TRIM24: variants seen among roughly 807,000 people sequenced by gnomAD.
The protein encoded by TRIM24 is tripartite motif containing 24.
In TRIM24, 29 loss-of-function variants were observed where a neutral mutation model predicts 123.9. That is an observed-to-expected ratio of 0.23 (90% confidence interval 0.17 to 0.32). The LOEUF is 0.32. Among genes scored for constraint, TRIM24 ranks in the 10% least tolerant of loss-of-function variants. TRIM24 has a pLI of 1.00. For synonymous variants in TRIM24, 456 were observed against 461.1 expected (o/e 0.99, Z 0.14); for missense variants, 932 against 1,295.3 (o/e 0.72, Z 4.31).
At chr7:138,470,630 G>A (rs538607688) in intron 1 of TRIM24, among the ~76,000 whole-genome samples, 1 of 152,310 alleles carries the variant, frequency 6.6e-6, no homozygotes, top group African/African-American at 2.4e-5. Flanking sequence ...AAGTCCCTAA[G>A]TTGTAGGATA....
intron 6 of TRIM24, among the ~76,000 whole-genome samples, chr7:138,535,592 G>A (rs1211174232): frequency 6.6e-6 from 1 of 152,194 alleles, no homozygotes; most frequent in East Asian, 1.9e-4. Flanking sequence ...TCCACTGTTA[G>A]TCTGATGGGC....
At chr7:138,485,833 A>G (rs1795633515) in intron 1 of TRIM24, among the ~76,000 whole-genome samples, 1 of 152,204 alleles carries the variant, frequency 6.6e-6, no homozygotes, top group Non-Finnish European at 1.5e-5. Context: ...AGCATGATTT[A>G]TAATCCTTTG....
intron 7 of TRIM24, among the ~76,000 whole-genome samples, chr7:138,550,327 G>GTA (rs1198431523): frequency 6.6e-6 from 1 of 151,756 alleles, no homozygotes; most frequent in African/African-American, 2.4e-5. Flanking sequence ...TGGTGTGTGT[G>GTA]TGTGTGTGTG....
chr7:138,577,644 TC>T (rs1797788946), intron 14 of TRIM24, 56 bp downstream of exon 14: 1 of 1,383,082 alleles, frequency 7.2e-7, no homozygotes, highest in Non-Finnish European at 9.5e-7. Context: ...GGTGAGAGAA[TC>T]TTTTAAATAG....
At chr7:138,526,331 C>T (rs893670888) in intron 5 of TRIM24, among the ~76,000 whole-genome samples, 2 of 152,150 alleles carry the variant, frequency 1.3e-5, no homozygotes, top group Admixed American at 1.3e-4. Context: ...TTTACCATTT[C>T]TTGATGCCCC....
In TRIM24 at chr7:138,463,989, CTTTT is replaced by C. The variant is rs568562414; in HGVS notation, c.364+3097_364+3100del. Reference sequence around the variant, plus strand: ...ATACTAGCTGAAGCAAAAATTTAGACTTTTTTTTTTTTTTTTTTTTTTTGAGACG... The same window carrying C: ...ATACTAGCTGAAGCAAAAATTTAGACTTTTTTTTTTTTTTTTTTTGAGACG... On this transcript the variant is annotated intron_variant, in intron 1 of 18. Coordinates refer to ENST00000343526, the MANE Select transcript of TRIM24 (RefSeq NM_015905.3). Among the ~76,000 whole-genome samples the C allele has an allele frequency of 2.4e-3, 120 of 50,760 alleles. 3 individuals are homozygous for C. Among genetic ancestry groups the C allele is most frequent in the African/African-American group, 2.9e-3 (36 of 12,210 alleles). The allele number at this position is 50,760 out of a possible 152,430, so 33.3% of individuals were successfully genotyped here.
At chr7:138,529,091 T>C in intron 5 of TRIM24, 25 bp from the exon 6 acceptor site, 1 of 1,424,972 alleles carries the variant, frequency 7.0e-7, no homozygotes, top group Non-Finnish European at 9.5e-7. Flanking sequence ...AACTGCCTTA[T>C]GTTTTTCCCC....
intron 6 of TRIM24, among the ~76,000 whole-genome samples, chr7:138,534,928 G>A (rs1214325685): frequency 6.6e-6 from 1 of 152,174 alleles, no homozygotes; most frequent in African/African-American, 2.4e-5. Context: ...GTTTAGGTTA[G>A]TTAGCTCTTC....
chr7:138,497,400 T>A (rs1193124693), intron 1 of TRIM24, among the ~76,000 whole-genome samples: 1 of 112,702 alleles, frequency 8.9e-6, no homozygotes. Context: ...TTTCTTTTTT[T>A]TTTTTTTTTT....
At chr7:138,508,692 T>TGCGC (rs60180839) in intron 2 of TRIM24, among the ~76,000 whole-genome samples, 9,703 of 137,116 alleles carry the variant, frequency 0.071, 416 homozygotes, top group African/African-American at 0.091. Context: ...TGTGTGTGTG[T>TGCGC]GCGCGCGCGT....
intron 7 of TRIM24, among the ~76,000 whole-genome samples, chr7:138,541,793 A>G (rs1450044571): frequency 1.3e-5 from 2 of 152,236 alleles, no homozygotes; most frequent in Non-Finnish European, 2.9e-5. Flanking sequence ...TAGCATAGCC[A>G]CCTTCGTCAA....
intron 9 of TRIM24, among the ~76,000 whole-genome samples, chr7:138,563,005 C>A (rs759323443): frequency 2.0e-5 from 3 of 152,192 alleles, no homozygotes; most frequent in African/African-American, 4.8e-5. Context: ...CCTTGGCCAA[C>A]AAAGTGGCCT....
chr7:138,466,123 C>G (rs540647309), intron 1 of TRIM24, among the ~76,000 whole-genome samples: 149 of 152,284 alleles, frequency 9.8e-4, no homozygotes, highest in African/African-American at 3.5e-3. Flanking sequence ...CCTGCCTCAG[C>G]CTCCCAAGCA....
At chr7:138,555,209 G>A (rs1044531890) in intron 9 of TRIM24, among the ~76,000 whole-genome samples, 2 of 152,136 alleles carry the variant, frequency 1.3e-5, no homozygotes, top group African/African-American at 4.8e-5. Flanking sequence ...TTATAGTGAA[G>A]GATAAATGTT....
chr7:138,562,252 G>A (rs1563060812), intron 9 of TRIM24, among the ~76,000 whole-genome samples: 1 of 152,110 alleles, frequency 6.6e-6, no homozygotes, highest in Non-Finnish European at 1.5e-5. Context: ...TTGAATCCTT[G>A]TGGGAGTCTT....
intron 2 of TRIM24, among the ~76,000 whole-genome samples, chr7:138,513,788 CTT>C (rs1295292779): frequency 6.6e-6 from 1 of 152,196 alleles, no homozygotes; most frequent in African/African-American, 2.4e-5. Flanking sequence ...CACACACACA[CTT>C]TTCCTGTTTT....
chr7:138,546,804 A>C (rs1797111071), intron 7 of TRIM24, among the ~76,000 whole-genome samples: 1 of 152,144 alleles, frequency 6.6e-6, no homozygotes, highest in Admixed American at 6.5e-5. Context: ...GTTGGAGAGG[A>C]TGTGGAGAAA....
chr7:138,558,050 T>C (rs1190423205), intron 9 of TRIM24, among the ~76,000 whole-genome samples: 3 of 152,134 alleles, frequency 2.0e-5, no homozygotes, highest in East Asian at 1.9e-4. Flanking sequence ...CTCCTTGCCT[T>C]AGAGGGATTA....
chr7:138,519,842 T>G (rs796991683), intron 4 of TRIM24, among the ~76,000 whole-genome samples: 8 of 152,296 alleles, frequency 5.3e-5, no homozygotes, highest in African/African-American at 1.7e-4. Context: ...CAGTTCATTA[T>G]AGTTCCTAGC....
Sources: gnomAD v4.1 joint callset for allele counts (sites outside exome capture counted in the v4.1 genomes callset) on GRCh38, gnomAD v4.1.1 for gene constraint, MANE v1.5 for transcripts, NCBI Gene and HGNC (gene_info 2026-07-23, HGNC 2026-07-21) for gene names.